Variants in TTN observed in about 807,000 individuals in gnomAD.
The protein encoded by TTN is connectin.
Under a neutral mutation model 3,223.0 loss-of-function variants are expected in TTN, and 1,525 were observed. That is an observed-to-expected ratio of 0.47 (90% confidence interval 0.45 to 0.49). The LOEUF (loss-of-function observed/expected upper bound fraction) is 0.49. Ranked by LOEUF, TTN falls within the 20% of genes least tolerant of loss-of-function variation. TTN has a pLI of 0.00. For missense variants in TTN, 40,786 were observed against 43,424.0 expected, an observed-to-expected ratio of 0.94 and a Z score of 5.40; for synonymous variants, 14,094 against 15,161.0, an observed-to-expected ratio of 0.93 and a Z score of 5.17.
At chr2:178,692,467 G>C in intron 120 of TTN, 30 bp downstream of exon 120, 1 of 1,536,586 alleles carries the variant, frequency 6.5e-7, no homozygotes, top group Non-Finnish European at 8.8e-7. Flanking sequence ...TGGATGCTAA[G>C]AATTATTTTT....
intron 111 of TTN, among the ~76,000 whole-genome samples, chr2:178,699,383 C>CTTTTTTTTTTTTTTTTTTTTTTTTTTTTT (rs59989386): frequency 2.2e-5 from 1 of 44,858 alleles, no homozygotes; most frequent in Non-Finnish European, 4.4e-5. Flanking sequence ...AAATAACACT[C>CTTTTTTTTTTTTTTTTTTTTTTTTTTTTT]TTTTTTTTTT....
In TTN at chr2:178,766,381, C is replaced by T. The variant is rs2090432472; in HGVS notation, c.9703G>A (p.Ala3235Thr). 1 of 1,600,120 alleles carries T rather than the reference C, an allele frequency of 6.2e-7. No individual in the cohort carries two copies. ...NRSSVTLYVNAPEPPQVLQEL... is the reference protein window; with the variant it reads ...NRSSVTLYVNTPEPPQVLQEL... The stretch of plus-strand genomic sequence containing the variant: ...TATGCTGAAATCTGTCCCTACATAC[C>T]ATTGACATAGAGAGTGACAGAACTC... Residue 3235 changes from alanine to threonine, a missense_variant and splice_region_variant, in exon 41 of 363, where the codon GCT becomes ACT. Ala to Thr is a moderately conservative substitution (Grantham distance 58, BLOSUM62 0). Coordinates refer to ENST00000589042, the MANE Select transcript of TTN (RefSeq NM_001267550.2).
At chr2:178,799,344 C>T (rs112196288) in intron 6 of TTN, 143 bp downstream of exon 6, 64 of 1,305,422 alleles carry the variant, frequency 4.9e-5, no homozygotes, top group Non-Finnish European at 6.7e-5. Flanking sequence ...TGTATGCTCC[C>T]CTAGAGGTTT....
intron 152 of TTN, 116 bp from the exon 153 acceptor site, chr2:178,672,819 G>A: frequency 1.3e-6 from 1 of 755,582 alleles, no homozygotes; most frequent in Non-Finnish European, 2.1e-6. Flanking sequence ...AAGTCACTCT[G>A]TACTGTGGGA....
At chr2:178,629,530 T>G in intron 239 of TTN, 87 bp from the exon 240 acceptor site, 1 of 1,582,646 alleles carries the variant, frequency 6.3e-7, no homozygotes, top group Non-Finnish European at 8.6e-7. Flanking sequence ...ATCTTCATGG[T>G]TGCTTTCTTC....
At chr2:178,527,769 A>G (rs569733519) in intron 361 of TTN, 21 bp from the exon 362 acceptor site, 4 of 1,546,342 alleles carry the variant, frequency 2.6e-6, no homozygotes, top group Admixed American at 3.9e-5. Context: ...TAGCAGATAC[A>G]CAGTGAACAT....
rs146241078 is a variant in TTN at position 178,777,863 on chromosome 2, G to A, written c.4321C>T (p.Arg1441Cys). The stretch of plus-strand genomic sequence containing the variant: ...GACTCATCTGTCTCCTCCAGCCTAC[G>A]TCCAGGGGACATTCTTGCAGGGGAC... Reference protein sequence around the residue: ...RMSPARMSPGRRLEETDESQL... With the variant: ...RMSPARMSPGCRLEETDESQL... Residue 1441 changes from arginine to cysteine, a missense_variant, in exon 25 of 363, where the codon CGT (arginine) becomes TGT (cysteine). Coordinates refer to ENST00000589042, the MANE Select transcript of TTN (RefSeq NM_001267550.2). 60 of 1,613,842 alleles carry A rather than the reference G, an allele frequency of 3.7e-5. No individual in the cohort carries two copies. The highest frequency in any genetic ancestry group is 1.6e-4 in the Middle Eastern group (1 of 6,082).
At chr2:178,726,158 A>G in intron 69 of TTN, 112 bp from the exon 70 acceptor site, 2 of 1,273,978 alleles carry the variant, frequency 1.6e-6, no homozygotes, top group Non-Finnish European at 2.1e-6. Flanking sequence ...ATGGGTAAGT[A>G]GAGTCCAGCA....
At position 178,634,485 on chromosome 2, in the gene TTN, T is replaced by C. The variant is rs1295172213; in HGVS notation, c.42296A>G (p.Asp14099Gly). The C allele has an allele frequency of 3.7e-6, 6 of 1,613,164 alleles. No individual in the cohort carries two copies. Among genetic ancestry groups the C allele is most frequent in the African/African-American group, 1.3e-5 (1 of 74,850 alleles). Residue 14099 changes from aspartate to glycine, a missense_variant, in exon 230 of 363, where the codon GAT becomes GGT. Physicochemically the swap from Asp to Gly is moderately conservative, Grantham distance 94. Transcript: ENST00000589042. This position sits in a 1 kb window ranked among gnomAD's most constrained non-coding sequence, Gnocchi z 4.6. ...PDIIKSSDKF[D>G]IIADGKKHIL... ...ATGTTTCTTTCCATCAGCGATGATA[T>C]CAAATTTGTCAGATGACTTAATTAT...
chr2:178,721,891 T>C lies in TTN; in HGVS notation c.22772A>G (p.Asn7591Ser), dbSNP rs368750726. 1.2e-5 allele frequency: 20 copies of C among 1,613,030 alleles called. No individual in the cohort carries two copies. The highest frequency in any genetic ancestry group is 8.0e-5 in the African/African-American group (6 of 74,906). The change falls in exon 78 of 363, where the codon AAT becomes AGT. Residue 7591 changes from asparagine to serine, a missense_variant. Physicochemically the swap from Asn to Ser is conservative, Grantham distance 46 (BLOSUM62 1). Coordinates refer to ENST00000589042, the MANE Select transcript of TTN (RefSeq NM_001267550.2). ...TGAGCACATGTCTTTGCCAACATCA[T>C]TGGTTGCTTGGCAAGTATATTGACC... ...DSGQYTCQAT[N>S]DVGKDMCSAQ...
rs763722868 is a variant in TTN, at chr2:178,775,572, G to A, written c.6292C>T (p.Arg2098Trp). The change falls in exon 28 of 363, where the codon CGG (arginine) becomes TGG (tryptophan). Residue 2098 changes from arginine to tryptophan, a missense_variant. Transcript: ENST00000589042. The stretch of plus-strand genomic sequence containing the variant: ...TCTGGTTTCCCCACGACTCTGACCC[G>A]GAAGTGTGCATCAGATCCTTGGCCC... ...TVGQGSDAHF[R>W]VRVVGKPDPE... is the part of the protein sequence containing the mutation. 17 of 1,614,014 alleles carry A rather than the reference G, an allele frequency of 1.1e-5. No homozygotes were observed. The highest frequency in any genetic ancestry group is 5.3e-5 in the African/African-American group (4 of 75,034).
intron 218 of TTN, among the ~76,000 whole-genome samples, chr2:178,642,973 G>T (rs189222748): frequency 6.6e-6 from 1 of 151,988 alleles, no homozygotes; most frequent in Non-Finnish European, 1.5e-5. Flanking sequence ...ATTAAGGAAC[G>T]CAAGGAATTC....
At position 178,533,629 on chromosome 2, in the gene TTN, G is replaced by A. The variant is rs1472884048; in HGVS notation, c.102986C>T (p.Ala34329Val). 5.6e-6 allele frequency: 9 copies of A among 1,613,808 alleles called. No individual in the cohort carries two copies. Among genetic ancestry groups the A allele is most frequent in the African/African-American group, 5.3e-5 (4 of 74,912 alleles). The change falls in exon 358 of 363, where the codon GCT becomes GTT. Residue 34329 changes from alanine to valine, a missense_variant. Ala to Val is a moderately conservative substitution (Grantham distance 64, BLOSUM62 0). Transcript: ENST00000589042. ...TINSVTTDDD[A>V]EYTVVARNKY... ...GTTCCTTGCCACAACAGTATATTCA[G>A]CGTCATCATCTGTAGTGACACTGTT...
chr2:178,570,013 G>T lies in TTN; in HGVS notation c.76119C>A (p.His25373Gln), dbSNP rs764739209. Residue 25373 changes from histidine to glutamine, a missense_variant, in exon 326 of 363, where the codon CAC (histidine) becomes CAA (glutamine). His to Gln is a conservative substitution (Grantham distance 24). Coordinates refer to ENST00000589042, the MANE Select transcript of TTN (RefSeq NM_001267550.2). ...RLRVTGLIEN[H>Q]DYEFRVSAEN... ...CAGCAGAAACTCTGAACTCATAATC[G>T]TGATTTTCTATGAGTCCAGTTACTC... The T allele has an allele frequency of 3.1e-6, 5 of 1,612,920 alleles. No homozygotes were observed. In the South Asian group the frequency reaches 4.4e-5, roughly 14 times the overall value.
chr2:178,549,724 G>C lies in TTN; in HGVS notation c.91998C>G (p.Ala30666=), dbSNP rs1160773007. 1 of 1,613,730 alleles carries C rather than the reference G, an allele frequency of 6.2e-7. No individual in the cohort carries two copies. Among genetic ancestry groups the C allele is most frequent in the African/African-American group, 1.3e-5 (1 of 75,010 alleles). ...CACATTTATCCTCAATTAGTGCCCA[G>C]GCAAGTCTGCTGGTTTCCCGTTTTT... is the stretch of plus-strand genomic sequence containing the variant. ...IIEKRETSRL[A]WALIEDKCEA... is the part of the protein sequence containing the mutation. Residue 30666 remains alanine (A), a synonymous_variant, in exon 338 of 363, where the codon GCC becomes GCG. Transcript: ENST00000589042.
Position 178,535,312 on chromosome 2 carries a change from A to G in TTN, c.101303T>C (p.Phe33768Ser). The change falls in exon 358 of 363, where the codon TTT becomes TCT. Residue 33768 changes from phenylalanine to serine, a missense_variant. Coordinates refer to ENST00000589042, the MANE Select transcript of TTN (RefSeq NM_001267550.2). ...AGGCTCTGAAGGCTTGCTCAGACCA[A>G]ATTTATTTTCAGCTATTACCCGGAA... ...YQFRVIAENK[F>S]GLSKPSEPSE... 1.2e-6 allele frequency: 2 copies of G among 1,613,810 alleles called. No homozygotes were observed. The highest frequency in any genetic ancestry group is 1.7e-6 in the Non-Finnish European group (2 of 1,179,824).
intron 139 of TTN, 99 bp downstream of exon 139, chr2:178,680,155 G>A: frequency 6.3e-7 from 1 of 1,579,620 alleles, no homozygotes; most frequent in African/African-American, 1.4e-5. Flanking sequence ...GAAAGGACAA[G>A]ATTTACTTTT....
Position 178,567,591 on chromosome 2 carries a change from G to T in TTN, c.78541C>A (p.Pro26181Thr). Residue 26181 changes from proline to threonine, a missense_variant, in exon 326 of 363, where the codon CCA (proline) becomes ACA (threonine). Physicochemically the swap from Pro to Thr is conservative, Grantham distance 38 (BLOSUM62 -1). Transcript: ENST00000589042. ...AISKPSDSTG[P>T]ITAKDEVELP... Reference sequence around the variant, plus strand: ...TCAACCTCATCCTTGGCAGTTATTGGTCCAGTACTGTCAGAGGGTTTACTT... The same window carrying T: ...TCAACCTCATCCTTGGCAGTTATTGTTCCAGTACTGTCAGAGGGTTTACTT... 1 of 1,611,230 alleles carries T rather than the reference G, an allele frequency of 6.2e-7. No individual in the cohort carries two copies. Among genetic ancestry groups the T allele is most frequent in the Non-Finnish European group, 8.5e-7 (1 of 1,178,280 alleles).
chr2:178,633,695 A>G lies in TTN; in HGVS notation c.42683-19T>C. The G allele has an allele frequency of 6.2e-7, 1 of 1,608,966 alleles. No homozygotes were observed. Among genetic ancestry groups the G allele is most frequent in the Non-Finnish European group, 8.5e-7 (1 of 1,178,604 alleles). ...TCGGCCTCTGTAAAAGACATTTAGCATAAAATTAGAAGAATGTGAAAATTA... is the reference window on the plus strand; with the variant it reads ...TCGGCCTCTGTAAAAGACATTTAGCGTAAAATTAGAAGAATGTGAAAATTA... On this transcript the variant is annotated intron_variant, in intron 231 of 362. Transcript: ENST00000589042.
Sources: gnomAD v4.1 joint callset for allele counts (sites outside exome capture counted in the v4.1 genomes callset) on GRCh38, gnomAD v4.1.1 for gene constraint, Gnocchi (gnomAD v3.1) non-coding constraint, MANE v1.5 for transcripts, NCBI Gene and HGNC (gene_info 2026-07-23, HGNC 2026-07-21) for gene names.